Variants in FRMD7 observed in about 807,000 individuals in gnomAD.
FRMD7 encodes the protein FERM domain-containing protein 7.
A neutral mutation model predicts 44.1 loss-of-function variants in FRMD7; 14 were observed. That is an observed-to-expected ratio of 0.32 (90% CI 0.21 to 0.50). The LOEUF is 0.50. FRMD7 is among the 20% of genes least tolerant of loss of function. The pLI, the probability that FRMD7 is intolerant of heterozygous loss-of-function variation, is 0.99. For missense variants in FRMD7, 501 were observed against 522.3 expected (o/e 0.96, Z 0.40); for synonymous variants, 212 against 187.4 (o/e 1.13, Z -1.07).
chrX:132,100,674 G>A lies in FRMD7; in HGVS notation c.100C>T (p.His34Tyr). 8.3e-7 allele frequency: 1 copy of A among 1,207,792 alleles called. No individual in the cohort carries two copies. The highest frequency in any genetic ancestry group is 1.1e-6 in the Non-Finnish European group (1 of 892,016). ...TATTCCTTTTCAGCAAGATTTAGAT[G>A]GCTGCAACTCAGGTTAAACAATGCC... Reference protein sequence around the residue: ...GKALFNLSCSHLNLAEKEYFG... With the variant: ...GKALFNLSCSYLNLAEKEYFG... Residue 34 changes from histidine to tyrosine, a missense_variant, in exon 2 of 12, where the codon CAT becomes TAT. His to Tyr is a moderately conservative substitution (Grantham distance 83). Transcript: ENST00000298542.
intron 5 of FRMD7, among the ~76,000 whole-genome samples, chrX:132,091,544 C>T (rs898262430): frequency 9.0e-6 from 1 of 111,217 alleles, no homozygotes; most frequent in East Asian, 2.8e-4. Flanking sequence ...TTTATGCTGG[C>T]TGGGCACTGT....
chrX:132,085,883 C>G (rs200724705), intron 6 of FRMD7, 37 bp downstream of exon 6: 2 of 1,049,861 alleles, frequency 1.9e-6, no homozygotes, highest in Non-Finnish European at 2.7e-6. Flanking sequence ...TTAGTGTTCT[C>G]TACTGGGGGA....
At chrX:132,081,723 C>T (rs1341691447) in intron 9 of FRMD7, among the ~76,000 whole-genome samples, 2 of 112,664 alleles carry the variant, frequency 1.8e-5, no homozygotes, top group African/African-American at 6.4e-5. Context: ...TTGAAAACTT[C>T]CTCCAACGGA....
intron 1 of FRMD7, among the ~76,000 whole-genome samples, chrX:132,122,481 A>G (rs1929059211): frequency 2.7e-5 from 3 of 112,441 alleles, no homozygotes; most frequent in South Asian, 7.4e-4. Context: ...TGGGGCCATC[A>G]TCCCACCAGC....
intron 5 of FRMD7, among the ~76,000 whole-genome samples, chrX:132,086,914 T>G (rs1928010692): frequency 8.9e-6 from 1 of 112,245 alleles, no homozygotes; most frequent in Admixed American, 9.5e-5. Flanking sequence ...CCCAGCTATC[T>G]GAAATCCCCA....
chrX:132,111,610 T>G (rs1928780097), intron 1 of FRMD7, among the ~76,000 whole-genome samples: 1 of 112,127 alleles, frequency 8.9e-6, no homozygotes, highest in Admixed American at 9.5e-5. Context: ...AACTGTGAAC[T>G]AGTTCCTTCT....
At chrX:132,081,768 CT>C (rs150405845) in intron 9 of FRMD7, among the ~76,000 whole-genome samples, 9 of 110,714 alleles carry the variant, frequency 8.1e-5, no homozygotes, top group East Asian at 2.8e-4. Context: ...AAGACAAGAT[CT>C]TTTTTTTTAT....
chrX:132,091,414 C>T (rs1051054778), intron 5 of FRMD7, among the ~76,000 whole-genome samples: 1 of 111,832 alleles, frequency 8.9e-6, no homozygotes, highest in East Asian at 2.8e-4. Context: ...ACTGCATGCT[C>T]TCTTTGCCAG....
At position 132,077,508 on chromosome X, in the gene FRMD7, C is replaced by A; in HGVS notation, c.*364G>T. 4.9e-6 allele frequency: 1 copy of A among 202,494 alleles called. No homozygotes were observed. The highest frequency in any genetic ancestry group is 9.1e-6 in the Non-Finnish European group (1 of 110,206). The allele number at this position is 202,494 out of a possible 1,213,427, so 16.7% of individuals were successfully genotyped here. On this transcript the variant is annotated 3_prime_UTR_variant, in exon 12 of 12. Transcript: ENST00000298542. ...TCACAATCTACTAAATCACTAAATG[C>A]CATTAGACGCTAATTCCATATGCCA...
rs770900557 is a variant in FRMD7, at chrX:132,078,373, T to C, written c.1644A>G (p.Gln548=). The change falls in exon 12 of 12, where the codon CAA becomes CAG. Residue 548 remains glutamine, a synonymous_variant. Transcript: ENST00000298542. The part of the protein sequence containing the change: ...IRMKSFQQDL[Q]VLQEAIARTS... ...TCCTGGCTATAGCTTCTTGGAGTAC[T>C]TGCAGGTCTTGCTGAAAGCTCTTCA... 8 of 1,209,481 alleles carry C rather than the reference T, an allele frequency of 6.6e-6. No homozygotes were observed. The Admixed American group carries it at 1.7e-4, about 26-fold the overall frequency.
intron 2 of FRMD7, among the ~76,000 whole-genome samples, chrX:132,100,049 G>A (rs781440192): frequency 2.7e-5 from 3 of 112,279 alleles, no homozygotes; most frequent in African/African-American, 6.5e-5. Flanking sequence ...GCTCTGGAAA[G>A]GCAAAATTGA....
intron 1 of FRMD7, among the ~76,000 whole-genome samples, chrX:132,107,291 T>A (rs1008293957): frequency 8.9e-5 from 10 of 112,067 alleles, no homozygotes; most frequent in African/African-American, 3.2e-4. Flanking sequence ...CTGTTTCCAA[T>A]GCTGACTCTG....
chrX:132,096,660 G>A (rs898755583), intron 4 of FRMD7, among the ~76,000 whole-genome samples: 1 of 105,214 alleles, frequency 9.5e-6, no homozygotes, highest in Admixed American at 1.0e-4. Flanking sequence ...CTTGAGCCAG[G>A]GAGGTTGCCA....
At chrX:132,082,161 T>C (rs1569340528) in intron 9 of FRMD7, among the ~76,000 whole-genome samples, 1 of 112,008 alleles carries the variant, frequency 8.9e-6, no homozygotes, top group African/African-American at 3.2e-5. Context: ...ACCCCTTAGG[T>C]AAGGTGCCCC....
chrX:132,127,878 A>T lies in FRMD7; in HGVS notation c.-34T>A. 1 of 1,144,897 alleles carries T rather than the reference A, an allele frequency of 8.7e-7. No homozygotes were observed. Among genetic ancestry groups the T allele is most frequent in the Non-Finnish European group, 1.2e-6 (1 of 834,477 alleles). The allele number at this position is 1,144,897 out of a possible 1,213,427, so 94.4% of individuals were successfully genotyped here. On this transcript the variant is annotated 5_prime_UTR_variant, in exon 1 of 12. Transcript: ENST00000298542. ...AGGCCGTTGGGCTGCAAGCAGGCTCAGAGTGCTGTGGGTGCTTTCTCCAGG... is the reference window on the plus strand; with the variant it reads ...AGGCCGTTGGGCTGCAAGCAGGCTCTGAGTGCTGTGGGTGCTTTCTCCAGG...
intron 1 of FRMD7, among the ~76,000 whole-genome samples, chrX:132,106,070 T>C (rs886915817): frequency 8.9e-6 from 1 of 111,785 alleles, no homozygotes; most frequent in Admixed American, 9.5e-5. Context: ...AGAGTAAATA[T>C]ACAACCTACA....
In FRMD7 at chrX:132,078,143, T is replaced by A; in HGVS notation, c.1874A>T (p.Asp625Val). ...TGGCAACTCCTGCTCTGCAAACATA[T>A]CCGTAAACAGGTCTGCTTTATGACT... is the stretch of plus-strand genomic sequence containing the variant. ...ALSHKADLFT[D>V]MFAEQELPAV... The change falls in exon 12 of 12, where the codon GAT becomes GTT. Residue 625 changes from aspartate (D) to valine (V), a missense_variant. Physicochemically the swap from Asp to Val is radical, Grantham distance 152 (BLOSUM62 -3). Around this residue, in one of 3 missense-constraint regions of FRMD7, gnomAD observed 453 missense variants for 452.7 expected, o/e 1.00. Coordinates refer to ENST00000298542, the MANE Select transcript of FRMD7 (RefSeq NM_194277.3). The A allele has an allele frequency of 8.3e-7, 1 of 1,211,135 alleles. No homozygotes were observed. The highest frequency in any genetic ancestry group is 1.1e-6 in the Non-Finnish European group (1 of 894,904).
chrX:132,098,702 T>C (rs769878152), intron 3 of FRMD7, among the ~76,000 whole-genome samples: 53 of 105,376 alleles, frequency 5.0e-4, no homozygotes, highest in Middle Eastern at 1.0e-2. Context: ...TCAATAGATT[T>C]CTTTGGGAGT....
At chrX:132,101,753 C>A (rs1928505710) in intron 1 of FRMD7, among the ~76,000 whole-genome samples, 1 of 112,032 alleles carries the variant, frequency 8.9e-6, no homozygotes, top group Admixed American at 9.5e-5. Context: ...AGCCCACACA[C>A]ACTGTGAGCA....
Sources: allele counts gnomAD v4.1 joint callset (sites outside exome capture counted in the v4.1 genomes callset), GRCh38; gene constraint gnomAD v4.1.1; regional missense constraint gnomAD v4.1.1; transcripts MANE v1.5; gene names NCBI Gene and HGNC (gene_info 2026-07-23, HGNC 2026-07-21).